CTNNA3: variants seen among roughly 807,000 people sequenced by gnomAD.
CTNNA3 encodes catenin alpha-3.
CTNNA3 carries 76 observed loss-of-function variants against 95.7 expected under a neutral mutation model. That is an observed-to-expected ratio of 0.79 (90% CI 0.66 to 0.96). CTNNA3 has a LOEUF of 0.96. CTNNA3 is among the 40% of genes least tolerant of loss of function. CTNNA3 has a pLI of 0.00. For synonymous variants in CTNNA3, 431 were observed against 374.4 expected, an observed-to-expected ratio of 1.15 and a Z score of -1.74; for missense variants, 1,191 against 1,089.8, an observed-to-expected ratio of 1.09 and a Z score of -1.31.
At chr10:66,745,854 C>T (rs945993044) in intron 9 of CTNNA3, among the ~76,000 whole-genome samples, 2 of 151,770 alleles carry the variant, frequency 1.3e-5, no homozygotes, top group African/African-American at 4.8e-5. Flanking sequence ...CTGCCTTGGC[C>T]TCCCAAAGTG....
At chr10:67,005,686 T>TTTTTTTTTTGTTTTTG (rs1554895963) in intron 7 of CTNNA3, among the ~76,000 whole-genome samples, 1 of 101,152 alleles carries the variant, frequency 9.9e-6, no homozygotes, top group African/African-American at 3.1e-5. Flanking sequence ...CTCCATCTTT[T>TTTTTTTTTTGTTTTTG]TTTTTTTTTT....
At chr10:67,508,483 C>A (rs934808305) in intron 5 of CTNNA3, among the ~76,000 whole-genome samples, 1 of 152,062 alleles carries the variant, frequency 6.6e-6, no homozygotes, top group Non-Finnish European at 1.5e-5. Flanking sequence ...TTATTTTTAT[C>A]CTACATCACA....
At chr10:66,763,337 C>CAGAGAGAG (rs1204351413) in intron 9 of CTNNA3, among the ~76,000 whole-genome samples, 206 of 126,620 alleles carry the variant, frequency 1.6e-3, no homozygotes, top group African/African-American at 4.6e-3. Flanking sequence ...CACACACACA[C>CAGAGAGAG]ACACAGAGAG....
chr10:66,788,328 C>T (rs1434835825), intron 7 of CTNNA3, among the ~76,000 whole-genome samples: 2 of 152,080 alleles, frequency 1.3e-5, no homozygotes, highest in African/African-American at 2.4e-5. Context: ...GGACAGGGTG[C>T]TATATATCAG....
chr10:66,970,109 G>A (rs1849636546), intron 7 of CTNNA3, among the ~76,000 whole-genome samples: 1 of 151,876 alleles, frequency 6.6e-6, no homozygotes, highest in Non-Finnish European at 1.5e-5. Flanking sequence ...AAAATCCCAG[G>A]GCCACTCATG....
intron 13 of CTNNA3, among the ~76,000 whole-genome samples, chr10:66,112,200 G>T (rs1021787718): frequency 6.6e-6 from 1 of 152,134 alleles, no homozygotes; most frequent in Non-Finnish European, 1.5e-5. Flanking sequence ...ACCAGAGGGA[G>T]AAGGCATCTA....
intron 11 of CTNNA3, among the ~76,000 whole-genome samples, chr10:66,381,093 C>T (rs2092835016): frequency 6.6e-6 from 1 of 152,154 alleles, no homozygotes; most frequent in Non-Finnish European, 1.5e-5. Flanking sequence ...TAAAGTCAAA[C>T]TACCATTGAA....
At chr10:67,116,960 T>C (rs925954099) in intron 7 of CTNNA3, among the ~76,000 whole-genome samples, 1 of 151,684 alleles carries the variant, frequency 6.6e-6, no homozygotes, top group African/African-American at 2.4e-5. Context: ...CAAGACACTA[T>C]TAGAGATTTA....
At chr10:67,074,701 A>G (rs573290086) in intron 7 of CTNNA3, among the ~76,000 whole-genome samples, 2 of 152,316 alleles carry the variant, frequency 1.3e-5, no homozygotes, top group East Asian at 3.9e-4. Flanking sequence ...CCTTCTAAGA[A>G]TAGACATTTC....
chr10:66,384,455 C>T (rs1027226712), intron 11 of CTNNA3, among the ~76,000 whole-genome samples: 3 of 152,266 alleles, frequency 2.0e-5, no homozygotes, highest in South Asian at 4.2e-4. Flanking sequence ...TCCTTAGAGA[C>T]ATACAAAAAG....
chr10:66,734,872 CA>C (rs34979571), intron 9 of CTNNA3, among the ~76,000 whole-genome samples: 69,314 of 132,644 alleles, frequency 0.52, 17,023 homozygotes, highest in African/African-American at 0.61. Flanking sequence ...AAGACTGTTT[CA>C]AAAAAAAAAA....
chr10:66,575,789 T>C (rs1383305924), intron 10 of CTNNA3, among the ~76,000 whole-genome samples: 1 of 152,080 alleles, frequency 6.6e-6, no homozygotes, highest in African/African-American at 2.4e-5. Context: ...AACCGGTACA[T>C]GGTTAGATTT....
chr10:66,109,676 A>G (rs1439910373), intron 13 of CTNNA3, among the ~76,000 whole-genome samples: 6 of 152,210 alleles, frequency 3.9e-5, no homozygotes, highest in African/African-American at 1.4e-4. Flanking sequence ...ACTGAAAGTC[A>G]TATCCCATAT....
At chr10:65,955,295 G>C (rs1457598740) in intron 17 of CTNNA3, among the ~76,000 whole-genome samples, 1 of 152,110 alleles carries the variant, frequency 6.6e-6, no homozygotes, top group Non-Finnish European at 1.5e-5. Flanking sequence ...GGGTTGAGAC[G>C]ATGGGGTTTT....
At chr10:66,532,609 A>C (rs1004566712) in intron 10 of CTNNA3, among the ~76,000 whole-genome samples, 1 of 152,324 alleles carries the variant, frequency 6.6e-6, no homozygotes, top group East Asian at 1.9e-4. Flanking sequence ...TAATTGTCAA[A>C]TGATTTTTGC....
chr10:67,535,656 C>T (rs1240331599), intron 4 of CTNNA3, among the ~76,000 whole-genome samples: 5 of 151,898 alleles, frequency 3.3e-5, no homozygotes, highest in Non-Finnish European at 7.4e-5. Flanking sequence ...ATGTTCACAT[C>T]AGAGAGTTTG....
intron 13 of CTNNA3, among the ~76,000 whole-genome samples, chr10:66,127,779 A>G (rs2133837051): frequency 6.6e-6 from 1 of 152,338 alleles, no homozygotes; most frequent in South Asian, 2.1e-4. Context: ...GCTATGTTCT[A>G]TCTTCTCAAT....
chr10:66,199,782 TATATATATATATA>T (rs2087221361), intron 13 of CTNNA3, among the ~76,000 whole-genome samples: 1 of 12,664 alleles, frequency 7.9e-5, no homozygotes, highest in African/African-American at 2.7e-4. Context: ...TATATATATA[TATATATATATATA>T]TATATATATA....
rs751801209 is a variant in CTNNA3 at position 66,420,835 on chromosome 10, A to AAATAAATT, written c.1532-41484_1532-41483insAATTTATT. 4.3e-3 allele frequency among the ~76,000 whole-genome samples: 402 copies of AAATAAATT among 93,002 alleles called. 2 individuals are homozygous for AAATAAATT. The highest frequency in any genetic ancestry group is 0.015 in the Middle Eastern group (3 of 196). The allele number at this position is 93,002 out of a possible 152,430, so 61.0% of individuals were successfully genotyped here. ...TAAATAAATAAATAAATAAATAAAT[A>AAATAAATT]AATAAAAAACAATATGGAGATTTCT... On this transcript the variant is annotated intron_variant, in intron 11 of 17. Transcript: ENST00000433211.
Sources: allele counts gnomAD v4.1 joint callset (sites outside exome capture counted in the v4.1 genomes callset), GRCh38; gene constraint gnomAD v4.1.1; transcripts MANE v1.5; gene names NCBI Gene and HGNC (gene_info 2026-07-23, HGNC 2026-07-21).